SEPTIN4: variants seen among roughly 807,000 people sequenced by gnomAD.
SEPTIN4 encodes septin 4.
SEPTIN4 carries 52 observed loss-of-function variants against 107.1 expected under a neutral mutation model. The observed-to-expected ratio is 0.49, with a 90% CI of 0.39 to 0.61. SEPTIN4 has a LOEUF of 0.61. Ranked by LOEUF, SEPTIN4 falls within the 20% of genes least tolerant of loss-of-function variation. SEPTIN4 has a pLI of 0.00. For synonymous variants in SEPTIN4, 417 were observed against 467.0 expected, an observed-to-expected ratio of 0.89 and a Z score of 1.38; for missense variants, 1,048 against 1,243.5, an observed-to-expected ratio of 0.84 and a Z score of 2.36.
chr17:58,542,306 T>A (rs1431661197), intron 1 of SEPTIN4, among the ~76,000 whole-genome samples: 1 of 152,116 alleles, frequency 6.6e-6, no homozygotes, highest in Non-Finnish European at 1.5e-5. Context: ...CCAGCTCAGT[T>A]CTTCATCCCC....
At chr17:58,537,283 G>A (rs569769417) in intron 3 of SEPTIN4, among the ~76,000 whole-genome samples, 1 of 152,194 alleles carries the variant, frequency 6.6e-6, no homozygotes, top group African/African-American at 2.4e-5. Context: ...CACCTGTCCT[G>A]GTCTGCCCAG....
chr17:58,521,935 G>A lies in SEPTIN4; in HGVS notation c.2351+32C>T. The A allele has an allele frequency of 6.2e-7, 1 of 1,614,254 alleles. No homozygotes were observed. Among genetic ancestry groups the A allele is most frequent in the Non-Finnish European group, 8.5e-7 (1 of 1,180,050 alleles). ...TGGCCTGTTCCCTTGACAGCACCCGGTGGTGCCAGGAGCCTCAGGCTTGGA... is the reference window on the plus strand; with the variant it reads ...TGGCCTGTTCCCTTGACAGCACCCGATGGTGCCAGGAGCCTCAGGCTTGGA... On this transcript the variant is annotated intron_variant, in intron 8 of 13. Coordinates refer to ENST00000672673, the MANE Select transcript of SEPTIN4 (RefSeq NM_001368771.2). The surrounding 1 kb of genome is among the most constrained non-coding windows in gnomAD (Gnocchi z 6.4).
intron 3 of SEPTIN4, chr17:58,527,982 A>T (rs2043112349): frequency 1.0e-6 from 1 of 985,486 alleles, no homozygotes; most frequent in African/African-American, 1.7e-5. Flanking sequence ...TCTCATTGTC[A>T]GCTCTAGACC....
At chr17:58,532,161 C>T (rs2043529971) in intron 3 of SEPTIN4, 2 of 1,008,184 alleles carry the variant, frequency 2.0e-6, no homozygotes, top group South Asian at 9.5e-5. Context: ...GCGGTGCCGG[C>T]GCGAAGTGGG....
At chr17:58,525,671 C>T in intron 6 of SEPTIN4, 24 bp downstream of exon 6, 1 of 1,603,686 alleles carries the variant, frequency 6.2e-7, no homozygotes. Context: ...GCAAGTCTGC[C>T]TGATTGTCCT....
At position 58,520,398 on chromosome 17, in the gene SEPTIN4, GA is replaced by G. The variant is rs544532747; in HGVS notation, c.*27del. ...GGCATGGACAGGAAGAAGAGGAGGA[GA>G]TTTAAATATCCAGGGCTGAAAGCCA... On this transcript the variant is annotated 3_prime_UTR_variant, in exon 14 of 14. Coordinates refer to ENST00000672673, the MANE Select transcript of SEPTIN4 (RefSeq NM_001368771.2). 1.8e-4 allele frequency: 283 copies of G among 1,608,780 alleles called. 2 individuals carry two copies. In the East Asian group the frequency reaches 6.0e-3, roughly 34 times the overall value.
chr17:58,527,020 G>A, intron 3 of SEPTIN4, 42 bp from the exon 4 acceptor site: 2 of 1,613,484 alleles, frequency 1.2e-6, no homozygotes, highest in Non-Finnish European at 1.7e-6. Context: ...GTGGTGCCGG[G>A]AAGGGAGCCG....
rs932717781 is a variant in SEPTIN4, at chr17:58,543,167, C to T, written c.1020G>A (p.Gly340=). Residue 340 remains glycine (G), a synonymous_variant, in exon 1 of 14, where the codon GGG becomes GGA. Coordinates refer to ENST00000672673, the MANE Select transcript of SEPTIN4 (RefSeq NM_001368771.2). The stretch of plus-strand genomic sequence containing the variant: ...GGTGAGTTGGCTCTACTGACTGTAC[C>T]CCTGGGGAGATGGTGACCCTGCGGC... The part of the protein sequence containing the change: ...EVGRRVTISP[G]VQSVEPTHHV... 1.9e-6 allele frequency: 3 copies of T among 1,613,712 alleles called. No individual in the cohort carries two copies. The highest frequency in any genetic ancestry group is 2.7e-5 in the African/African-American group (2 of 74,862).
chr17:58,543,898 A>T lies in SEPTIN4; in HGVS notation c.289T>A (p.Ser97Thr). The change falls in exon 1 of 14, where the codon TCC (serine) becomes ACC (threonine). Residue 97 changes from serine (S) to threonine (T), a missense_variant. Physicochemically the swap from Ser to Thr is moderately conservative, Grantham distance 58. This residue lies in a region of SEPTIN4 where 787 missense variants were observed against 871.8 expected (regional missense o/e 0.90). Coordinates refer to ENST00000672673, the MANE Select transcript of SEPTIN4 (RefSeq NM_001368771.2). ...TTTAGATGGGGAGAGGAATGGCGGG[A>T]TGATTCTGTTCTTGGTCCAGTCTCG... is the stretch of plus-strand genomic sequence containing the variant. ...GPETGPRTES[S>T]RHSSPHLKSQ... 6.2e-7 allele frequency: 1 copy of T among 1,613,902 alleles called. No individual in the cohort carries two copies. Among genetic ancestry groups the T allele is most frequent in the East Asian group, 2.2e-5 (1 of 44,862 alleles).
At chr17:58,531,914 G>A in intron 3 of SEPTIN4, 2 of 1,133,334 alleles carry the variant, frequency 1.8e-6, no homozygotes, top group Non-Finnish European at 2.2e-6. Context: ...CCGGCCCTGC[G>A]CACCCCAGCC....
chr17:58,531,951 C>G (rs1270270657), intron 3 of SEPTIN4: 2 of 1,148,976 alleles, frequency 1.7e-6, no homozygotes, highest in Non-Finnish European at 2.1e-6. Context: ...CGCCTGCCTG[C>G]CTGCCTTACC....
Position 58,522,669 on chromosome 17 carries a change from A to G in SEPTIN4, c.2217-568T>C, listed in dbSNP as rs555501081. ...CAGACTGTCACAAAAAAAAAAAAAA[A>G]AAGAAGAAGAAGAAGAAAAAAAGAA... On this transcript the variant is annotated intron_variant, in intron 7 of 13. Transcript: ENST00000672673. Among the ~76,000 whole-genome samples, 458 of 151,556 alleles carry G rather than the reference A, an allele frequency of 3.0e-3. 3 individuals carry two copies. Among genetic ancestry groups the G allele is most frequent in the African/African-American group, 8.4e-3 (348 of 41,266 alleles).
rs1208781714 is a variant in SEPTIN4 at position 58,543,350 on chromosome 17, T to C, written c.837A>G (p.Lys279=). ...AAACTCGGTGTACACCATCAGAATC[T>C]TTAAGGACAGAGAGTTTGAGCAATG... The part of the protein sequence containing the change: ...LDSLLKLSVL[K]DSDGVHRVSA... Residue 279 remains lysine, a synonymous_variant, in exon 1 of 14, where the codon AAA becomes AAG. Transcript: ENST00000672673. 1.2e-6 allele frequency: 2 copies of C among 1,614,050 alleles called. No individual in the cohort carries two copies. The highest frequency in any genetic ancestry group is 8.5e-7 in the Non-Finnish European group (1 of 1,180,044).
intron 3 of SEPTIN4, 164 bp from the exon 4 acceptor site, chr17:58,527,142 C>T: frequency 8.5e-7 from 1 of 1,175,444 alleles, no homozygotes; most frequent in South Asian, 1.2e-5. Context: ...AAGTGCTCAC[C>T]ATCCCTCCCT....
At position 58,521,731 on chromosome 17, in the gene SEPTIN4, C is replaced by A; in HGVS notation, c.2469+5G>T. On this transcript the variant is annotated splice_donor_5th_base_variant and intron_variant, in intron 9 of 13. Coordinates refer to ENST00000672673, the MANE Select transcript of SEPTIN4 (RefSeq NM_001368771.2). This position sits in a 1 kb window ranked among gnomAD's most constrained non-coding sequence, Gnocchi z 6.4. ...TGATCCCCTCCCACCACCAGCTTCC[C>A]TCACTTTGCGTTTCTTGTGGTCCAC... 1.9e-6 allele frequency: 3 copies of A among 1,614,264 alleles called. No individual in the cohort carries two copies. The highest frequency in any genetic ancestry group is 1.1e-5 in the South Asian group (1 of 91,092).
intron 3 of SEPTIN4, chr17:58,527,274 TCTC>T: frequency 5.1e-6 from 3 of 587,458 alleles, no homozygotes; most frequent in Non-Finnish European, 3.1e-6. Flanking sequence ...CCAGTTCTGG[TCTC>T]CTTCTCAGCA....
intron 7 of SEPTIN4, 144 bp downstream of exon 7, chr17:58,524,934 G>T: frequency 2.1e-6 from 2 of 959,632 alleles, no homozygotes; most frequent in Non-Finnish European, 1.6e-6. Flanking sequence ...AGGAGGAGAT[G>T]GCTGTCCAGT....
rs1440802214 is a variant in SEPTIN4, at chr17:58,526,729, T to C, written c.1864A>G (p.Arg622Gly). The change falls in exon 4 of 14, where the codon AGG (arginine) becomes GGG (glycine). Residue 622 changes from arginine (R) to glycine (G), a missense_variant. Arg to Gly is a moderately radical substitution (Grantham distance 125). This residue lies in a region of SEPTIN4 where 787 missense variants were observed against 871.8 expected (regional missense o/e 0.90). Coordinates refer to ENST00000672673, the MANE Select transcript of SEPTIN4 (RefSeq NM_001368771.2). ...AGCTTGCCCCATGGGCTGCGGGGCC[T>C]GGCAGATGGGCTGAGAGGGGCTGGG... ...CAPAPLSPSA[R>G]PRSPWGKLDP... 1 of 1,608,788 alleles carries C rather than the reference T, an allele frequency of 6.2e-7. No homozygotes were observed. Among genetic ancestry groups the C allele is most frequent in the Non-Finnish European group, 8.5e-7 (1 of 1,178,056 alleles).
At position 58,538,941 on chromosome 17, in the gene SEPTIN4, A is replaced by C. The variant is rs993571663; in HGVS notation, c.1614+1725T>G. Among the ~76,000 whole-genome samples, 4 of 152,074 alleles carry C rather than the reference A, an allele frequency of 2.6e-5. No individual in the cohort carries two copies. Among genetic ancestry groups the C allele is most frequent in the African/African-American group, 9.7e-5 (4 of 41,394 alleles). On this transcript the variant is annotated intron_variant, in intron 3 of 13. Transcript: ENST00000672673. The surrounding 1 kb of genome is among the most constrained non-coding windows in gnomAD (Gnocchi z 4.7). Reference sequence around the variant, plus strand: ...CTGCCAGGAATGGAATCTGGAACAGACTCTATGGTCAACCATTCCCAGATC... The same window carrying C: ...CTGCCAGGAATGGAATCTGGAACAGCCTCTATGGTCAACCATTCCCAGATC...
Sources: allele counts gnomAD v4.1 joint callset (sites outside exome capture counted in the v4.1 genomes callset), GRCh38; gene constraint gnomAD v4.1.1; regional missense constraint gnomAD v4.1.1; non-coding constraint Gnocchi (gnomAD v3.1); transcripts MANE v1.5; gene names NCBI Gene and HGNC (gene_info 2026-07-23, HGNC 2026-07-21).